Variants in CCDC102A observed in about 807,000 individuals in gnomAD.
CCDC102A encodes coiled-coil domain containing 102A.
A neutral mutation model predicts 55.5 loss-of-function variants in CCDC102A; 40 were observed. That is an observed-to-expected ratio of 0.72 (90% CI 0.56 to 0.94). The LOEUF is 0.94. CCDC102A is among the 40% of genes least tolerant of loss of function. The pLI, the probability that CCDC102A is intolerant of heterozygous loss-of-function variation, is 0.00. For synonymous variants in CCDC102A, 323 were observed against 339.0 expected, an observed-to-expected ratio of 0.95 and a Z score of 0.52; for missense variants, 779 against 768.6, an observed-to-expected ratio of 1.01 and a Z score of -0.16.
Position 57,529,273 on chromosome 16 carries a change from C to T in CCDC102A, c.-96G>A. 9.0e-7 allele frequency: 1 copy of T among 1,116,804 alleles called. No homozygotes were observed. Among genetic ancestry groups the T allele is most frequent in the Non-Finnish European group, 1.1e-6 (1 of 912,904 alleles). The allele number at this position is 1,116,804 out of a possible 1,614,324, so 69.2% of individuals were successfully genotyped here. A position where few individuals can be genotyped will look rare whatever the true frequency, so the allele number is the denominator to read the frequency against. On this transcript the variant is annotated 5_prime_UTR_variant, in exon 2 of 9. Transcript: ENST00000258214. The surrounding 1 kb of genome is among the most constrained non-coding windows in gnomAD (Gnocchi z 4.1). ...GGCGCGATACAACTGTGCATGATGACGCCGTGCCCCGCTTCCCTCTGGGCC... is the reference window on the plus strand; with the variant it reads ...GGCGCGATACAACTGTGCATGATGATGCCGTGCCCCGCTTCCCTCTGGGCC...
intron 2 of CCDC102A, among the ~76,000 whole-genome samples, chr16:57,527,403 C>A (rs1403175940): frequency 1.3e-5 from 2 of 149,724 alleles, no homozygotes; most frequent in Admixed American, 1.3e-4. Flanking sequence ...CACCGGCTGG[C>A]AGACATTGCT....
intron 1 of CCDC102A, among the ~76,000 whole-genome samples, chr16:57,532,894 G>A (rs865797744): frequency 2.0e-5 from 3 of 152,164 alleles, no homozygotes; most frequent in African/African-American, 7.2e-5. Flanking sequence ...ATGGGGGCCC[G>A]GGCCCTGTCT....
At position 57,525,967 on chromosome 16, in the gene CCDC102A, G is replaced by A; in HGVS notation, c.746C>T (p.Ala249Val). Residue 249 changes from alanine to valine, a missense_variant, in exon 3 of 9, where the codon GCC becomes GTC. Physicochemically the swap from Ala to Val is moderately conservative, Grantham distance 64. Transcript: ENST00000258214. ...TAGCCGCAGGGCGGTCAACTTGGAGGCCTCCTCCTCCGTGGCAGCTGTGTC... is the reference window on the plus strand; with the variant it reads ...TAGCCGCAGGGCGGTCAACTTGGAGACCTCCTCCTCCGTGGCAGCTGTGTC... ...WEDTAATEEE[A>V]SKLTALRLRL... 6.2e-7 allele frequency: 1 copy of A among 1,612,372 alleles called. No individual in the cohort carries two copies. The highest frequency in any genetic ancestry group is 8.5e-7 in the Non-Finnish European group (1 of 1,179,288).
chr16:57,513,100 G>C (rs2031894412), intron 8 of CCDC102A, among the ~76,000 whole-genome samples: 1 of 152,212 alleles, frequency 6.6e-6, no homozygotes, highest in African/African-American at 2.4e-5. Context: ...CAGATGGTGG[G>C]GAGTGGGGCA....
chr16:57,515,394 C>T lies in CCDC102A; in HGVS notation c.1470G>A (p.Glu490=). The T allele has an allele frequency of 6.2e-7, 1 of 1,609,940 alleles. No individual in the cohort carries two copies. Among genetic ancestry groups the T allele is most frequent in the Non-Finnish European group, 8.5e-7 (1 of 1,179,286 alleles). ...QARKLQRSLD[E]QTEQSENLQV... ...GCAGGTTCTCGCTCTGCTCCGTCTG[C>T]TCGTCCAGCGACCGCTGCAGCTTAC... Residue 490 remains glutamate, a synonymous_variant, in exon 8 of 9, where the codon GAG becomes GAA. Coordinates refer to ENST00000258214, the MANE Select transcript of CCDC102A (RefSeq NM_033212.4).
chr16:57,518,496 C>A, intron 5 of CCDC102A, 129 bp downstream of exon 5: 1 of 842,638 alleles, frequency 1.2e-6, no homozygotes, highest in Non-Finnish European at 1.9e-6. Flanking sequence ...GATCAGGACA[C>A]CATTGGATGT....
Position 57,521,062 on chromosome 16 carries a change from A to G in CCDC102A, c.921+6T>C. ...CCAGGAAGACCCTCTGGTCTCCAAGACTCACCTGCTTGAGCATCTCCTGCT... is the reference window on the plus strand; with the variant it reads ...CCAGGAAGACCCTCTGGTCTCCAAGGCTCACCTGCTTGAGCATCTCCTGCT... On this transcript the variant is annotated splice_donor_region_variant and intron_variant, in intron 4 of 8. Transcript: ENST00000258214. 3 of 1,607,878 alleles carry G rather than the reference A, an allele frequency of 1.9e-6. No homozygotes were observed. The highest frequency in any genetic ancestry group is 2.6e-6 in the Non-Finnish European group (3 of 1,174,978).
intron 8 of CCDC102A, among the ~76,000 whole-genome samples, 197 bp from the exon 9 acceptor site, chr16:57,513,067 GAAGTCATTTGCTCA>G (rs2031893922): frequency 6.6e-6 from 1 of 152,242 alleles, no homozygotes; most frequent in Non-Finnish European, 1.5e-5. Flanking sequence ...ACAGAAAGGT[GAAGTCATTTGCTCA>G]AAGTCACACA....
chr16:57,512,604 C>T lies in CCDC102A; in HGVS notation c.*137G>A. 9.1e-7 allele frequency: 1 copy of T among 1,098,072 alleles called. No individual in the cohort carries two copies. Among genetic ancestry groups the T allele is most frequent in the Non-Finnish European group, 1.3e-6 (1 of 771,142 alleles). The allele number at this position is 1,098,072 out of a possible 1,614,324, so 68.0% of individuals were successfully genotyped here. A position where few individuals can be genotyped will look rare whatever the true frequency, so the allele number is the denominator to read the frequency against. ...TGGTAGGTGGGACTGTTGACGCCAT[C>T]CCTGGGAGAGAAGAAAGTCGGCTGT... On this transcript the variant is annotated 3_prime_UTR_variant, in exon 9 of 9. Transcript: ENST00000258214.
chr16:57,521,021 C>A, intron 4 of CCDC102A, 47 bp downstream of exon 4: 1 of 1,218,258 alleles, frequency 8.2e-7, no homozygotes, highest in South Asian at 1.2e-5. Context: ...AATTCAACAG[C>A]GCGATCCTGC....
Position 57,529,347 on chromosome 16 carries a change from T to C in CCDC102A, c.-147-23A>G, listed in dbSNP as rs925218471. ...GACCTACGGGAGAACACAACCGTTATTGGACTGCGACCACCGTCAGTCTCG... is the reference window on the plus strand; with the variant it reads ...GACCTACGGGAGAACACAACCGTTACTGGACTGCGACCACCGTCAGTCTCG... On this transcript the variant is annotated intron_variant, in intron 1 of 8. Coordinates refer to ENST00000258214, the MANE Select transcript of CCDC102A (RefSeq NM_033212.4). This position sits in a 1 kb window ranked among gnomAD's most constrained non-coding sequence, Gnocchi z 4.1. 19 of 930,858 alleles carry C rather than the reference T, an allele frequency of 2.0e-5. No homozygotes were observed. Among genetic ancestry groups the C allele is most frequent in the Non-Finnish European group, 2.3e-5 (17 of 746,896 alleles). The allele number at this position is 930,858 out of a possible 1,614,324, so 57.7% of individuals were successfully genotyped here.
At chr16:57,534,815 A>G (rs2032340678) in intron 1 of CCDC102A, among the ~76,000 whole-genome samples, 1 of 152,200 alleles carries the variant, frequency 6.6e-6, no homozygotes, top group Admixed American at 6.5e-5. Context: ...CAGGGTTGGA[A>G]TAAGAGGTCA....
chr16:57,533,694 GCA>G (rs1159642998), intron 1 of CCDC102A, among the ~76,000 whole-genome samples: 1 of 148,872 alleles, frequency 6.7e-6, no homozygotes, highest in Non-Finnish European at 1.5e-5. Flanking sequence ...CCAGTAACGT[GCA>G]CACACACACA....
At chr16:57,522,782 A>G (rs2032074517) in intron 3 of CCDC102A, among the ~76,000 whole-genome samples, 1 of 152,208 alleles carries the variant, frequency 6.6e-6, no homozygotes, top group Non-Finnish European at 1.5e-5. Flanking sequence ...CGTCACTATC[A>G]TCCCATTTAA....
chr16:57,531,913 A>AT (rs2032272922), intron 1 of CCDC102A, among the ~76,000 whole-genome samples: 1 of 152,188 alleles, frequency 6.6e-6, no homozygotes, highest in Non-Finnish European at 1.5e-5. Context: ...GTGGAGCAGT[A>AT]TTTTTTAAAA....
At chr16:57,522,335 C>A (rs2032066224) in intron 3 of CCDC102A, among the ~76,000 whole-genome samples, 1 of 152,266 alleles carries the variant, frequency 6.6e-6, no homozygotes, top group Middle Eastern at 3.4e-3. Flanking sequence ...AGTGCAAGTG[C>A]CCAGCTCATA....
In CCDC102A at chr16:57,518,345, C is replaced by T. The variant is rs536677715; in HGVS notation, c.1039-68G>A. The T allele has an allele frequency of 5.6e-5, 81 of 1,450,946 alleles. No individual in the cohort carries two copies. In the African/African-American group the frequency reaches 1.1e-3, roughly 20 times the overall value. The allele number at this position is 1,450,946 out of a possible 1,614,324, so 89.9% of individuals were successfully genotyped here. ...GCATGCAGGGCCTGAGCTGGATGCCCCCGCCACCTCCTGGAGCCATTTTTG... is the reference window on the plus strand; with the variant it reads ...GCATGCAGGGCCTGAGCTGGATGCCTCCGCCACCTCCTGGAGCCATTTTTG... On this transcript the variant is annotated intron_variant, in intron 5 of 8. Coordinates refer to ENST00000258214, the MANE Select transcript of CCDC102A (RefSeq NM_033212.4).
chr16:57,526,218 C>T, intron 2 of CCDC102A, 91 bp from the exon 3 acceptor site: 1 of 908,304 alleles, frequency 1.1e-6, no homozygotes, highest in Non-Finnish European at 1.6e-6. Flanking sequence ...GGGCAAGTCA[C>T]ACAGTGTCTC....
In CCDC102A at chr16:57,528,694, C is replaced by T. The variant is rs2032190165; in HGVS notation, c.484G>A (p.Gly162Ser). 3 of 1,123,200 alleles carry T rather than the reference C, an allele frequency of 2.7e-6. No individual in the cohort carries two copies. Among genetic ancestry groups the T allele is most frequent in the Admixed American group, 1.0e-4 (2 of 19,346 alleles). 69.6% of individuals were successfully genotyped at this position (1,123,200 alleles called of 1,614,324 possible). ...GTCTGGTCGGCGACCCCCCGGGCGC[C>T]CCTCAGCCGCGCCAGCTCGCGGCCC... ...ARGRELARLR[G>S]ARGVADQTRD... is the part of the protein sequence containing the mutation. The change falls in exon 2 of 9, where the codon GGC becomes AGC. Residue 162 changes from glycine to serine, a missense_variant. Transcript: ENST00000258214.
Sources: allele counts gnomAD v4.1 joint callset (sites outside exome capture counted in the v4.1 genomes callset), GRCh38; gene constraint gnomAD v4.1.1; non-coding constraint Gnocchi (gnomAD v3.1); transcripts MANE v1.5; gene names NCBI Gene and HGNC (gene_info 2026-07-23, HGNC 2026-07-21).